Variants in NMNAT3 observed in about 807,000 individuals in gnomAD.
NMNAT3 encodes the protein nicotinamide nucleotide adenylyltransferase 3, also known as nicotinamide/nicotinic acid mononucleotide adenylyltransferase 3.
In NMNAT3, 21 loss-of-function variants were observed where a neutral mutation model predicts 24.8. The ratio of observed to expected loss-of-function variants is 0.85; its 90% CI spans 0.60 to 1.22. NMNAT3 has a LOEUF of 1.22. Among genes scored for constraint, NMNAT3 ranks in the 50% most tolerant of loss-of-function variants. NMNAT3 has a pLI of 0.00. For missense variants in NMNAT3, 387 were observed against 436.6 expected (o/e 0.89, Z 1.01); for synonymous variants, 136 against 155.2 (o/e 0.88, Z 0.92).
At chr3:139,586,674 A>G (rs1346228278) in intron 3 of NMNAT3, among the ~76,000 whole-genome samples, 2 of 152,252 alleles carry the variant, frequency 1.3e-5, no homozygotes. Flanking sequence ...TTCATTTAAA[A>G]GAGCCAGGCT....
Position 139,593,584 on chromosome 3 carries a change from A to G in NMNAT3, c.110-10376T>C, listed in dbSNP as rs1205568914. Among the ~76,000 whole-genome samples the G allele has an allele frequency of 2.0e-5, 3 of 152,288 alleles. No homozygotes were observed. In the East Asian group the frequency reaches 5.8e-4, roughly 29 times the overall value. On this transcript the variant is annotated intron_variant, in intron 3 of 6. Coordinates refer to ENST00000643695, the MANE Select transcript of NMNAT3 (RefSeq NM_001320510.2). ...AAGTAAAGCACTCCTCAGCAAATGT[A>G]AAATAACAGAAATTATAACAAACTA...
intron 1 of NMNAT3, among the ~76,000 whole-genome samples, chr3:139,676,996 C>T (rs903422684): frequency 3.3e-5 from 5 of 152,154 alleles, no homozygotes; most frequent in Non-Finnish European, 5.9e-5. Context: ...CAGAGGAGAA[C>T]GTTAAGGTTA....
intron 6 of NMNAT3, among the ~76,000 whole-genome samples, chr3:139,563,021 G>C (rs533155428): frequency 6.6e-6 from 1 of 152,134 alleles, no homozygotes; most frequent in South Asian, 2.1e-4. Flanking sequence ...TTTAAAATGA[G>C]GATATTACCC....
chr3:139,572,115 A>C, intron 6 of NMNAT3: 1 of 398,648 alleles, frequency 2.5e-6, no homozygotes, highest in Non-Finnish European at 4.4e-6. Flanking sequence ...ACCTCCATTC[A>C]TACCCTGTCT....
chr3:139,629,743 A>C (rs1408215789), intron 2 of NMNAT3, among the ~76,000 whole-genome samples: 1 of 152,130 alleles, frequency 6.6e-6, no homozygotes, highest in African/African-American at 2.4e-5. Flanking sequence ...AGCAACAATG[A>C]ACTACCTATT....
intron 6 of NMNAT3, chr3:139,572,354 A>G: frequency 1.8e-5 from 7 of 396,182 alleles, no homozygotes; most frequent in Non-Finnish European, 3.1e-5. Context: ...AGGCAGACAG[A>G]AAGACCAGAG....
At chr3:139,664,330 G>T (rs2057509839) in intron 1 of NMNAT3, among the ~76,000 whole-genome samples, 1 of 152,132 alleles carries the variant, frequency 6.6e-6, no homozygotes, top group South Asian at 2.1e-4. Context: ...TTTCAAAACT[G>T]CTAGACTACG....
intron 1 of NMNAT3, among the ~76,000 whole-genome samples, chr3:139,664,466 A>G (rs2057514161): frequency 6.6e-6 from 1 of 152,198 alleles, no homozygotes; most frequent in Admixed American, 6.5e-5. Context: ...CAATAGGGAT[A>G]CTGGAAAAAA....
rs548555161 is a variant in NMNAT3, at chr3:139,561,316, C to T, written c.735G>A (p.Ala245=). 2.1e-5 allele frequency: 34 copies of T among 1,614,006 alleles called. No individual in the cohort carries two copies. Among genetic ancestry groups the T allele is most frequent in the Admixed American group, 8.3e-5 (5 of 60,000 alleles). ...ACTTCTCCACTATTTCCTGGATGTG[C>T]GCATCCTTCCAGAGGTTGGGGGTCT... The change falls in exon 7 of 7, where the codon GCG becomes GCA. Residue 245 remains alanine, a synonymous_variant. Transcript: ENST00000643695.
At chr3:139,670,566 C>A (rs1289766236) in intron 1 of NMNAT3, among the ~76,000 whole-genome samples, 1 of 152,200 alleles carries the variant, frequency 6.6e-6, no homozygotes, top group African/African-American at 2.4e-5. Flanking sequence ...TAATGTTTAG[C>A]CAATTGAATG....
At chr3:139,643,770 A>C (rs2056784541) in intron 1 of NMNAT3, among the ~76,000 whole-genome samples, 1 of 152,224 alleles carries the variant, frequency 6.6e-6, no homozygotes, top group Non-Finnish European at 1.5e-5. Flanking sequence ...ATAGACTTTT[A>C]GTTTTGCGAG....
chr3:139,579,384 A>G (rs1003269486), intron 4 of NMNAT3, among the ~76,000 whole-genome samples: 11 of 152,182 alleles, frequency 7.2e-5, no homozygotes, highest in African/African-American at 2.7e-4. Context: ...TAGTTGAGGA[A>G]CAGCATGACT....
chr3:139,583,381 T>G (rs2053758719), intron 3 of NMNAT3: 1 of 1,562,228 alleles, frequency 6.4e-7, no homozygotes, highest in South Asian at 1.1e-5. Flanking sequence ...GAATGTAACA[T>G]GTAGAGCAGT....
At position 139,582,978 on chromosome 3, in the gene NMNAT3, CTATAAA is replaced by C; in HGVS notation, c.334_339del (p.Phe112_Ile113del). 3.8e-6 allele frequency: 6 copies of C among 1,577,736 alleles called. No individual in the cohort carries two copies. The highest frequency in any genetic ancestry group is 5.1e-6 in the Non-Finnish European group (6 of 1,165,050). On this transcript the variant is annotated inframe_deletion, in exon 4 of 7. Coordinates refer to ENST00000643695, the MANE Select transcript of NMNAT3 (RefSeq NM_001320510.2). ...TTGTTTGTTTGGTTCCAGGTGCTAT[CTATAAA>C]TATAATTTTTTTCAGTGTTGTGCCT...
chr3:139,624,149 A>AACTC (rs560562366), intron 3 of NMNAT3, among the ~76,000 whole-genome samples: 110 of 152,286 alleles, frequency 7.2e-4, no homozygotes, highest in African/African-American at 2.5e-3. Context: ...GTGGAAGTTG[A>AACTC]AATCATTGAT....
At chr3:139,656,383 T>C (rs2057243574) in intron 1 of NMNAT3, among the ~76,000 whole-genome samples, 1 of 152,224 alleles carries the variant, frequency 6.6e-6, no homozygotes, top group African/African-American at 2.4e-5. Flanking sequence ...AGTTTTGTTA[T>C]TGTGATGACC....
At position 139,566,716 on chromosome 3, in the gene NMNAT3, G is replaced by A. The variant is rs1454740716; in HGVS notation, c.659-5324C>T. The A allele has an allele frequency of 1.8e-3, 263 of 149,904 alleles. 1 individual carries two copies. Among genetic ancestry groups the A allele is most frequent in the African/African-American group, 6.1e-3 (246 of 40,590 alleles). The allele number at this position is 149,904 out of a possible 1,614,324, so 9.3% of individuals were successfully genotyped here. On this transcript the variant is annotated intron_variant, in intron 6 of 6. Coordinates refer to ENST00000643695, the MANE Select transcript of NMNAT3 (RefSeq NM_001320510.2). Reference sequence around the variant, plus strand: ...CTGAGGGCTCTGTTCTGTTCCATTGGTCTATATCTCTGTTTTGGTACCAGT... The same window carrying A: ...CTGAGGGCTCTGTTCTGTTCCATTGATCTATATCTCTGTTTTGGTACCAGT...
chr3:139,633,678 C>T (rs1031167243), intron 2 of NMNAT3, among the ~76,000 whole-genome samples: 16 of 152,082 alleles, frequency 1.1e-4, no homozygotes, highest in African/African-American at 3.6e-4. Context: ...CACAGCGCTG[C>T]GAAGGCCTAG....
At chr3:139,594,939 A>G (rs1323351610) in intron 3 of NMNAT3, among the ~76,000 whole-genome samples, 4 of 152,170 alleles carry the variant, frequency 2.6e-5, no homozygotes, top group Non-Finnish European at 5.9e-5. Flanking sequence ...CCTATTCAAC[A>G]TAGTGTTGGA....
Sources: gnomAD v4.1 joint callset for allele counts (sites outside exome capture counted in the v4.1 genomes callset) on GRCh38, gnomAD v4.1.1 for gene constraint, MANE v1.5 for transcripts, NCBI Gene and HGNC (gene_info 2026-07-23, HGNC 2026-07-21) for gene names.